Variants in STAC observed in about 807,000 individuals in gnomAD.
STAC encodes SH3 and cysteine rich domain, also known as SH3 and cysteine-rich domain-containing protein.
STAC carries 43 observed loss-of-function variants against 48.8 expected under a neutral mutation model. That is an observed-to-expected ratio of 0.88 (90% CI 0.69 to 1.14). The LOEUF is 1.14. Ranked by LOEUF, STAC falls within the 50% of genes most tolerant of loss-of-function variation. The pLI is 0.00. For synonymous variants in STAC, 193 were observed against 179.5 expected, an observed-to-expected ratio of 1.07 and a Z score of -0.60; for missense variants, 497 against 504.0, an observed-to-expected ratio of 0.99 and a Z score of 0.13.
chr3:36,394,406 A>C (rs1699814922), intron 1 of STAC, among the ~76,000 whole-genome samples: 3 of 152,178 alleles, frequency 2.0e-5, no homozygotes, highest in Non-Finnish European at 4.4e-5. Flanking sequence ...TTTTTATCCA[A>C]GTTTGAAAGA....
At chr3:36,523,938 A>G (rs995807885) in intron 8 of STAC, among the ~76,000 whole-genome samples, 1 of 152,200 alleles carries the variant, frequency 6.6e-6, no homozygotes, top group Non-Finnish European at 1.5e-5. Context: ...CACAGTTGAG[A>G]GTGAAGGGTT....
intron 7 of STAC, among the ~76,000 whole-genome samples, chr3:36,505,514 C>A (rs1364624219): frequency 6.6e-6 from 1 of 152,030 alleles, no homozygotes; most frequent in Non-Finnish European, 1.5e-5. Flanking sequence ...ATATTTCTGA[C>A]AAAGAGTTCC....
At chr3:36,534,779 C>T (rs1699160719) in intron 10 of STAC, among the ~76,000 whole-genome samples, 1 of 151,954 alleles carries the variant, frequency 6.6e-6, no homozygotes, top group Admixed American at 6.6e-5. Flanking sequence ...AATCCTCCCA[C>T]CTCAGCCTCC....
intron 10 of STAC, among the ~76,000 whole-genome samples, chr3:36,529,949 A>G (rs182316108): frequency 1.6e-3 from 249 of 152,088 alleles, no homozygotes; most frequent in African/African-American, 5.6e-3. Flanking sequence ...ATGAAACCCC[A>G]TCTCTACTAA....
chr3:36,501,115 A>G (rs1423514379), intron 6 of STAC, among the ~76,000 whole-genome samples: 5 of 152,128 alleles, frequency 3.3e-5, no homozygotes, highest in African/African-American at 7.2e-5. Flanking sequence ...AAACAAAATC[A>G]TATGTTAAAG....
In STAC at chr3:36,443,799, G is replaced by A. The variant is rs940377625; in HGVS notation, c.388+159G>A. On this transcript the variant is annotated intron_variant, in intron 2 of 10. Coordinates refer to ENST00000273183, the MANE Select transcript of STAC (RefSeq NM_003149.3). This position sits in a 1 kb window ranked among gnomAD's most constrained non-coding sequence, Gnocchi z 4.2. ...GTGCTTTGGGGAACAATATTTGTGA[G>A]AAGGTAAGGGAAGCAGCACTGGGTA... is the stretch of plus-strand genomic sequence containing the variant. Among the ~76,000 whole-genome samples the A allele has an allele frequency of 4.6e-5, 7 of 152,338 alleles. No homozygotes were observed. Among genetic ancestry groups the A allele is most frequent in the African/African-American group, 1.2e-4 (5 of 41,580 alleles).
intron 10 of STAC, among the ~76,000 whole-genome samples, chr3:36,537,959 AC>A (rs1280166198): frequency 6.6e-6 from 1 of 151,986 alleles, no homozygotes; most frequent in African/African-American, 2.4e-5. Flanking sequence ...TTAAAAAAAA[AC>A]AGAAAAAAAT....
chr3:36,427,662 C>T (rs778667500), intron 1 of STAC, among the ~76,000 whole-genome samples: 65 of 152,284 alleles, frequency 4.3e-4, no homozygotes, highest in Non-Finnish European at 6.8e-4. Flanking sequence ...ATTTATTGAG[C>T]ATCTAACATG....
chr3:36,401,106 C>G (rs987865248), intron 1 of STAC, among the ~76,000 whole-genome samples: 4 of 152,152 alleles, frequency 2.6e-5, no homozygotes, highest in Non-Finnish European at 4.4e-5. Flanking sequence ...TTTGAAACTA[C>G]TCAGGAGTCA....
At chr3:36,464,560 C>T (rs978480086) in intron 2 of STAC, among the ~76,000 whole-genome samples, 5 of 152,034 alleles carry the variant, frequency 3.3e-5, no homozygotes, top group South Asian at 4.1e-4. Context: ...GTACACTGTA[C>T]CAATGTGCCG....
At chr3:36,445,303 C>G (rs745688364) in intron 2 of STAC, among the ~76,000 whole-genome samples, 4 of 152,000 alleles carry the variant, frequency 2.6e-5, no homozygotes, top group Non-Finnish European at 4.4e-5. Context: ...TTTCTCTTGT[C>G]AGAAATAAAT....
chr3:36,403,393 AAC>A (rs1314168120), intron 1 of STAC, among the ~76,000 whole-genome samples: 16 of 152,142 alleles, frequency 1.1e-4, no homozygotes, highest in African/African-American at 2.7e-4. Flanking sequence ...CTGGGAAAAA[AAC>A]AGTTTGTTTT....
At chr3:36,530,631 TA>T (rs1168950493) in intron 10 of STAC, among the ~76,000 whole-genome samples, 4 of 146,796 alleles carry the variant, frequency 2.7e-5, no homozygotes, top group Non-Finnish European at 6.0e-5. Flanking sequence ...GTTTCACTCT[TA>T]TTGTCCAGGC....
intron 1 of STAC, among the ~76,000 whole-genome samples, chr3:36,398,470 AGGAAGGAG>A (rs1456496626): frequency 6.1e-5 from 5 of 82,644 alleles, no homozygotes; most frequent in South Asian, 8.9e-4. Flanking sequence ...GAAGGAAGGA[AGGAAGGAG>A]GGAAGGAAGA....
chr3:36,532,037 C>T (rs1194574947), intron 10 of STAC, among the ~76,000 whole-genome samples: 1 of 152,116 alleles, frequency 6.6e-6, no homozygotes, highest in Non-Finnish European at 1.5e-5. Flanking sequence ...AATCTAATAA[C>T]ATAAAGGTAC....
Position 36,486,138 on chromosome 3 carries a change from T to G in STAC, c.576T>G (p.Cys192Trp). The G allele has an allele frequency of 1.2e-6, 2 of 1,612,626 alleles. No individual in the cohort carries two copies. Among genetic ancestry groups the G allele is most frequent in the Non-Finnish European group, 1.7e-6 (2 of 1,179,232 alleles). The change falls in exon 5 of 11, where the codon TGT (cysteine) becomes TGG (tryptophan). Residue 192 changes from cysteine to tryptophan, a missense_variant. Cys to Trp is a radical substitution (Grantham distance 215). Transcript: ENST00000273183. ...GAACTTTCTCTTCTGTTGCAGCCTG[T>G]GGCAATAAGGTGGACCCTGTCTACG... ...GCIKEVMPIA[C>W]GNKVDPVYET...
chr3:36,476,082 T>G (rs994861360), intron 2 of STAC, among the ~76,000 whole-genome samples: 1 of 152,260 alleles, frequency 6.6e-6, no homozygotes, highest in South Asian at 2.1e-4. Flanking sequence ...TGTCTTTCCA[T>G]AGAATTAAAG....
chr3:36,459,567 T>C lies in STAC; in HGVS notation c.388+15927T>C, dbSNP rs189548652. Reference sequence around the variant, plus strand: ...TGTACAGATTGCTCTAGCTTAACCATTGTCTCTCTTTTAATGAACTCCTCA... The same window carrying C: ...TGTACAGATTGCTCTAGCTTAACCACTGTCTCTCTTTTAATGAACTCCTCA... On this transcript the variant is annotated intron_variant, in intron 2 of 10. Transcript: ENST00000273183. 2.8e-3 allele frequency among the ~76,000 whole-genome samples: 421 copies of C among 152,344 alleles called. 1 individual carries two copies. The highest frequency in any genetic ancestry group is 9.4e-3 in the African/African-American group (393 of 41,590).
At chr3:36,498,769 A>C (rs569743878) in intron 6 of STAC, among the ~76,000 whole-genome samples, 11 of 152,084 alleles carry the variant, frequency 7.2e-5, no homozygotes, top group Non-Finnish European at 1.3e-4. Context: ...AGAGAGAGAG[A>C]GAAAGAGAAT....
Sources: gnomAD v4.1 joint callset for allele counts (sites outside exome capture counted in the v4.1 genomes callset) on GRCh38, gnomAD v4.1.1 for gene constraint, Gnocchi (gnomAD v3.1) non-coding constraint, MANE v1.5 for transcripts, NCBI Gene and HGNC (gene_info 2026-07-23, HGNC 2026-07-21) for gene names.